Variants in GMDS observed in about 807,000 individuals in gnomAD.
GMDS encodes the protein GDP-mannose 4,6-dehydratase, also known as GDP-mannose 4,6 dehydratase.
Under a neutral mutation model 49.9 loss-of-function variants are expected in GMDS, and 20 were observed. That is an observed-to-expected ratio of 0.40 (90% confidence interval 0.28 to 0.58). The LOEUF (loss-of-function observed/expected upper bound fraction) is 0.58, where lower values mean the gene tolerates loss of function less well. Among genes scored for constraint, GMDS ranks in the 20% least tolerant of loss-of-function variants. GMDS has a pLI of 0.42. For synonymous variants in GMDS, 177 were observed against 178.6 expected (o/e 0.99, Z 0.07); for missense variants, 362 against 481.4 (o/e 0.75, Z 2.32).
At chr6:1,943,560 T>C (rs1762917311) in intron 6 of GMDS, among the ~76,000 whole-genome samples, 1 of 152,220 alleles carries the variant, frequency 6.6e-6, no homozygotes, top group South Asian at 2.1e-4. Flanking sequence ...TATCTTTACA[T>C]TTACACATGT....
chr6:1,671,608 G>C (rs1438171813), intron 9 of GMDS, among the ~76,000 whole-genome samples: 1 of 151,512 alleles, frequency 6.6e-6, no homozygotes, highest in African/African-American at 2.4e-5. Context: ...CCCTAAGTAT[G>C]TATAAGATAT....
intron 9 of GMDS, among the ~76,000 whole-genome samples, chr6:1,712,256 T>A (rs1162489663): frequency 1.3e-5 from 2 of 152,220 alleles, no homozygotes; most frequent in Non-Finnish European, 2.9e-5. Context: ...GTATCTTTGA[T>A]CATAAGATCT....
At chr6:1,807,482 G>A (rs1363527153) in intron 7 of GMDS, among the ~76,000 whole-genome samples, 1 of 152,196 alleles carries the variant, frequency 6.6e-6, no homozygotes, top group East Asian at 1.9e-4. Context: ...TCAAGGGGTA[G>A]ACCCATGGAC....
intron 4 of GMDS, among the ~76,000 whole-genome samples, chr6:2,071,301 A>G (rs908818228): frequency 3.9e-5 from 6 of 152,128 alleles, no homozygotes; most frequent in Admixed American, 1.3e-4. Context: ...CTTTCTACAT[A>G]CCTTTTCTAC....
At chr6:2,120,825 C>T (rs190625493) in intron 2 of GMDS, among the ~76,000 whole-genome samples, 9 of 152,164 alleles carry the variant, frequency 5.9e-5, no homozygotes, top group African/African-American at 2.2e-4. Context: ...TCCTAGGCAA[C>T]AGAACATGCC....
At chr6:2,096,386 T>C (rs1217623877) in intron 4 of GMDS, among the ~76,000 whole-genome samples, 1 of 152,240 alleles carries the variant, frequency 6.6e-6, no homozygotes, top group Non-Finnish European at 1.5e-5. Context: ...TTTTTATTAC[T>C]AGAATTTGTT....
At chr6:1,692,517 G>T (rs1203079336) in intron 9 of GMDS, among the ~76,000 whole-genome samples, 1 of 152,010 alleles carries the variant, frequency 6.6e-6, no homozygotes, top group Non-Finnish European at 1.5e-5. Flanking sequence ...CCTCCTTTTT[G>T]GGGACTCCAA....
chr6:2,140,761 G>A (rs1057270974), intron 1 of GMDS, among the ~76,000 whole-genome samples: 2 of 152,180 alleles, frequency 1.3e-5, no homozygotes, highest in South Asian at 2.1e-4. Flanking sequence ...AAAAACGATC[G>A]AAGGTTTTTA....
chr6:1,816,003 T>C (rs1770652192), intron 7 of GMDS, among the ~76,000 whole-genome samples: 1 of 152,214 alleles, frequency 6.6e-6, no homozygotes, highest in Admixed American at 6.5e-5. Context: ...TGACACACTA[T>C]GGTTGCTAAC....
chr6:1,709,909 C>T (rs1012672441), intron 9 of GMDS, among the ~76,000 whole-genome samples: 3 of 152,174 alleles, frequency 2.0e-5, no homozygotes, highest in African/African-American at 7.2e-5. Flanking sequence ...GGCAGGGTAT[C>T]TATGGAGGAA....
chr6:1,703,140 G>A lies in GMDS; in HGVS notation c.987+23276C>T, dbSNP rs139657069. ...GGGTTCCTTGGTGTCGGCAACTCCT[G>A]TGTGAAACAGAGGAGTTCCTGCATG... is the stretch of plus-strand genomic sequence containing the variant. On this transcript the variant is annotated intron_variant, in intron 9 of 10. Transcript: ENST00000380815. 1.1e-4 allele frequency among the ~76,000 whole-genome samples: 17 copies of A among 152,288 alleles called. No individual in the cohort carries two copies. The South Asian group carries it at 1.9e-3, about 17-fold the overall frequency.
At chr6:1,699,497 T>TG (rs1471734260) in intron 9 of GMDS, among the ~76,000 whole-genome samples, 2 of 152,004 alleles carry the variant, frequency 1.3e-5, no homozygotes, top group Non-Finnish European at 2.9e-5. Context: ...GTTCTTGGTG[T>TG]GGGCAGGGCT....
chr6:2,080,359 C>T (rs1304429828), intron 4 of GMDS, among the ~76,000 whole-genome samples: 4 of 152,078 alleles, frequency 2.6e-5, no homozygotes, highest in Non-Finnish European at 2.9e-5. Flanking sequence ...ATTGTGTTCC[C>T]CTGGAGATGT....
At chr6:2,030,633 C>T (rs1321222989) in intron 4 of GMDS, among the ~76,000 whole-genome samples, 1 of 152,150 alleles carries the variant, frequency 6.6e-6, no homozygotes, top group East Asian at 1.9e-4. Context: ...TTATAAGACT[C>T]ACTCTATAAC....
At chr6:1,753,420 T>C (rs1354173530) in intron 7 of GMDS, among the ~76,000 whole-genome samples, 1 of 152,174 alleles carries the variant, frequency 6.6e-6, no homozygotes, top group Non-Finnish European at 1.5e-5. Flanking sequence ...CAAAGAGACT[T>C]AGACTCCCAC....
At chr6:2,001,454 A>G (rs1312632426) in intron 4 of GMDS, among the ~76,000 whole-genome samples, 2 of 152,050 alleles carry the variant, frequency 1.3e-5, no homozygotes, top group Non-Finnish European at 2.9e-5. Context: ...CTCTTTCTTC[A>G]TGGTATCTTT....
intron 4 of GMDS, among the ~76,000 whole-genome samples, chr6:2,010,883 C>T (rs1026081246): frequency 1.3e-5 from 2 of 151,992 alleles, no homozygotes; most frequent in African/African-American, 4.8e-5. Context: ...TATTGTCAAC[C>T]TCTTACATTA....
intron 3 of GMDS, 80 bp from the exon 4 acceptor site, chr6:2,115,960 A>G: frequency 1.2e-6 from 1 of 842,158 alleles, no homozygotes; most frequent in Non-Finnish European, 2.0e-6. Context: ...ATTGAAATGC[A>G]TATTTGGAAA....
intron 7 of GMDS, among the ~76,000 whole-genome samples, chr6:1,923,036 T>C (rs977422264): frequency 6.6e-5 from 10 of 152,134 alleles, no homozygotes; most frequent in African/African-American, 2.2e-4. Context: ...TTCACTTGGC[T>C]CTCATTCTCT....
Sources: allele counts gnomAD v4.1 joint callset (sites outside exome capture counted in the v4.1 genomes callset), GRCh38; gene constraint gnomAD v4.1.1; transcripts MANE v1.5; gene names NCBI Gene and HGNC (gene_info 2026-07-23, HGNC 2026-07-21).